Variants in DENND1B observed in about 807,000 individuals in gnomAD.
The protein encoded by DENND1B is DENN domain-containing protein 1B.
A neutral mutation model predicts 90.1 loss-of-function variants in DENND1B; 59 were observed. The ratio of observed to expected loss-of-function variants is 0.65; its 90% CI spans 0.53 to 0.81. The LOEUF is 0.81. Among genes scored for constraint, DENND1B ranks in the 40% least tolerant of loss-of-function variants. DENND1B has a pLI of 0.00. For synonymous variants in DENND1B, 337 were observed against 324.6 expected (o/e 1.04, Z -0.41); for missense variants, 862 against 912.6 (o/e 0.94, Z 0.71).
chr1:197,603,072 A>G (rs1051153328), intron 13 of DENND1B, among the ~76,000 whole-genome samples: 2 of 151,458 alleles, frequency 1.3e-5, no homozygotes, highest in South Asian at 4.1e-4. Context: ...CCTGTAACAT[A>G]CAGTGGTCTA....
At chr1:197,592,124 A>AAG (rs1675286973) in intron 14 of DENND1B, among the ~76,000 whole-genome samples, 1 of 150,946 alleles carries the variant, frequency 6.6e-6, no homozygotes, top group Non-Finnish European at 1.5e-5. Context: ...AAAAAAAAAA[A>AAG]AAAAGCATCA....
chr1:197,775,198 C>T lies in DENND1B; in HGVS notation c.-43G>A. On this transcript the variant is annotated 5_prime_UTR_variant, in exon 1 of 23. Transcript: ENST00000620048. ...GGGCTGTCCGTCCGGCCCCCGCGCG[C>T]TGGCCTGGAAGCCCGCAGCCCGGCC... 1 of 1,256,930 alleles carries T rather than the reference C, an allele frequency of 8.0e-7. No individual in the cohort carries two copies. 77.9% of individuals were successfully genotyped at this position (1,256,930 alleles called of 1,614,324 possible).
At chr1:197,649,222 A>G (rs1212564503) in intron 7 of DENND1B, among the ~76,000 whole-genome samples, 3 of 152,316 alleles carry the variant, frequency 2.0e-5, no homozygotes, top group Admixed American at 2.0e-4. Context: ...GATTGAATCT[A>G]AGAAATGGAT....
At chr1:197,740,272 C>T (rs1348571379) in intron 2 of DENND1B, among the ~76,000 whole-genome samples, 2 of 152,026 alleles carry the variant, frequency 1.3e-5, no homozygotes, top group Admixed American at 6.6e-5. Flanking sequence ...AGCAAGAAGC[C>T]AGTGTGGCTG....
rs556045517 is a variant in DENND1B, at chr1:197,624,680, G to A, written c.673-6921C>T. On this transcript the variant is annotated intron_variant, in intron 10 of 22. Coordinates refer to ENST00000620048, the MANE Select transcript of DENND1B (RefSeq NM_001195215.2). ...AAGCTGGATAGAGAATGACTTTGAC[G>A]AGTTGAGAGAAGAAGGCTTCAGACG... 6.6e-5 allele frequency among the ~76,000 whole-genome samples: 10 copies of A among 151,986 alleles called. No individual in the cohort carries two copies. In the South Asian group the frequency reaches 1.0e-3, roughly 16 times the overall value.
At position 197,627,407 on chromosome 1, in the gene DENND1B, A is replaced by C. The variant is rs1367232398; in HGVS notation, c.673-9648T>G. 3.3e-5 allele frequency among the ~76,000 whole-genome samples: 5 copies of C among 152,304 alleles called. No homozygotes were observed. In the East Asian group the frequency reaches 9.6e-4, roughly 29 times the overall value. ...ATCAATAAATGTAATCCAGCATATA[A>C]ACAGAACCAAAGACAAAAACCACAT... On this transcript the variant is annotated intron_variant, in intron 10 of 22. Transcript: ENST00000620048.
At chr1:197,750,754 T>C (rs1225907455) in intron 2 of DENND1B, among the ~76,000 whole-genome samples, 5 of 152,114 alleles carry the variant, frequency 3.3e-5, no homozygotes, top group African/African-American at 1.2e-4. Context: ...AGCAAATTTC[T>C]GAAAACCACA....
chr1:197,642,664 G>A (rs1312941082), intron 10 of DENND1B, 47 bp downstream of exon 10: 2 of 1,402,706 alleles, frequency 1.4e-6, no homozygotes, highest in South Asian at 1.3e-5. Flanking sequence ...AGGTCTTTTT[G>A]TGAAACACTC....
intron 11 of DENND1B, among the ~76,000 whole-genome samples, chr1:197,616,407 G>C (rs1318901494): frequency 6.6e-6 from 1 of 150,974 alleles, no homozygotes; most frequent in Non-Finnish European, 1.5e-5. Context: ...ACTTGTGTGT[G>C]TGACACTTAA....
intron 2 of DENND1B, among the ~76,000 whole-genome samples, chr1:197,756,498 T>C (rs1654307599): frequency 7.5e-6 from 1 of 133,296 alleles, no homozygotes; most frequent in Admixed American, 9.2e-5. Flanking sequence ...TCTTTTTGAA[T>C]CCAGGAGGCA....
chr1:197,579,700 T>C (rs577935652), intron 15 of DENND1B, among the ~76,000 whole-genome samples: 1 of 152,208 alleles, frequency 6.6e-6, no homozygotes, highest in Non-Finnish European at 1.5e-5. Flanking sequence ...ACTTCCTATA[T>C]TTTCCATTTC....
intron 3 of DENND1B, among the ~76,000 whole-genome samples, chr1:197,707,599 A>G (rs1282080438): frequency 6.8e-6 from 1 of 146,856 alleles, no homozygotes; most frequent in East Asian, 1.9e-4. Context: ...TACATATATT[A>G]TATACATATA....
At chr1:197,771,855 T>A (rs1656660068) in intron 2 of DENND1B, among the ~76,000 whole-genome samples, 1 of 152,080 alleles carries the variant, frequency 6.6e-6, no homozygotes, top group Non-Finnish European at 1.5e-5. Context: ...CAAGAACACA[T>A]TAAAAGAAAA....
chr1:197,625,914 A>C (rs943139313), intron 10 of DENND1B, among the ~76,000 whole-genome samples: 2 of 152,200 alleles, frequency 1.3e-5, no homozygotes, highest in Non-Finnish European at 2.9e-5. Flanking sequence ...AGAGATCAAA[A>C]GAGACAAAGA....
At chr1:197,746,076 G>A (rs1194396543) in intron 2 of DENND1B, among the ~76,000 whole-genome samples, 3 of 152,120 alleles carry the variant, frequency 2.0e-5, no homozygotes, top group Non-Finnish European at 2.9e-5. Flanking sequence ...ACCAGAAAAC[G>A]TGTAGTTACA....
intron 3 of DENND1B, among the ~76,000 whole-genome samples, chr1:197,692,459 A>ACACT (rs766743719): frequency 2.6e-5 from 4 of 151,818 alleles, no homozygotes; most frequent in African/African-American, 4.8e-5. Flanking sequence ...CATAAATCCC[A>ACACT]CACTCCAACC....
At chr1:197,619,884 A>G (rs1677992058) in intron 10 of DENND1B, among the ~76,000 whole-genome samples, 1 of 151,222 alleles carries the variant, frequency 6.6e-6, no homozygotes, top group South Asian at 2.1e-4. Context: ...CTGCTAATCA[A>G]GATCTACCAG....
chr1:197,611,688 A>G (rs1308356542), intron 12 of DENND1B, among the ~76,000 whole-genome samples: 1 of 150,796 alleles, frequency 6.6e-6, no homozygotes, highest in African/African-American at 2.4e-5. Flanking sequence ...AAAACTTACC[A>G]TATGATTTCT....
rs117507569 is a variant in DENND1B at position 197,519,488 on chromosome 1, C to T, written c.1516-6535G>A. On this transcript the variant is annotated intron_variant, in intron 20 of 22. Coordinates refer to ENST00000620048, the MANE Select transcript of DENND1B (RefSeq NM_001195215.2). ...GCTTTGTGCCAGGCATTGGGCTACA[C>T]GCTAGAGCACAGTGATAACTAAGAA... is the stretch of plus-strand genomic sequence containing the variant. Among the ~76,000 whole-genome samples the T allele has an allele frequency of 1.1e-3, 163 of 151,970 alleles. No homozygotes were observed. In the East Asian group the frequency reaches 0.02, roughly 19 times the overall value.
Sources: gnomAD v4.1 joint callset for allele counts (sites outside exome capture counted in the v4.1 genomes callset) on GRCh38, gnomAD v4.1.1 for gene constraint, MANE v1.5 for transcripts, NCBI Gene and HGNC (gene_info 2026-07-23, HGNC 2026-07-21) for gene names.